Variants in STAC3 observed in about 807,000 individuals in gnomAD.
STAC3 encodes SH3 and cysteine-rich domain-containing protein 3.
A neutral mutation model predicts 48.5 loss-of-function variants in STAC3; 30 were observed. The observed-to-expected ratio is 0.62, with a 90% CI of 0.46 to 0.84. The LOEUF (loss-of-function observed/expected upper bound fraction) is 0.84. Ranked by LOEUF, STAC3 falls within the 40% of genes least tolerant of loss-of-function variation. STAC3 has a pLI of 0.00. For missense variants in STAC3, 419 were observed against 462.6 expected (o/e 0.91, Z 0.86); for synonymous variants, 144 against 158.6 (o/e 0.91, Z 0.69).
chr12:57,248,375 C>CACTTT, intron 4 of STAC3, 177 bp from the exon 5 acceptor site: 1 of 577,156 alleles, frequency 1.7e-6, no homozygotes, highest in Non-Finnish European at 3.1e-6. Context: ...GACATGTCCC[C>CACTTT]TCTTTTTTTT....
rs762753878 is a variant in STAC3, at chr12:57,244,939, C to T, written c.697G>A (p.Glu233Lys). 7.4e-6 allele frequency: 12 copies of T among 1,614,196 alleles called. No homozygotes were observed. Among genetic ancestry groups the T allele is most frequent in the South Asian group, 5.5e-5 (5 of 91,086 alleles). The change falls in exon 8 of 12, where the codon GAG becomes AAG. Residue 233 changes from glutamate (E) to lysine (K), a missense_variant. Physicochemically the swap from Glu to Lys is moderately conservative, Grantham distance 56. Coordinates refer to ENST00000332782, the MANE Select transcript of STAC3 (RefSeq NM_145064.3). ...ACCTTGTCATCAGGTGTCTTCTTCT[C>T]AGCCTTCTTATCCCCTTCAGGGTTT... The part of the protein sequence containing the change: ...DGNPEGDKKA[E>K]KKTPDDKHKQ...
intron 5 of STAC3, among the ~76,000 whole-genome samples, chr12:57,247,403 A>AATTATT (rs747575932): frequency 2.6e-4 from 27 of 102,688 alleles, no homozygotes; most frequent in African/African-American, 8.9e-4. Flanking sequence ...AGGGTTGCCA[A>AATTATT]ATTATTATTA....
Position 57,244,074 on chromosome 12 carries a change from G to A in STAC3, c.996+14C>T. 1.2e-6 allele frequency: 2 copies of A among 1,614,026 alleles called. No individual in the cohort carries two copies. Among genetic ancestry groups the A allele is most frequent in the Non-Finnish European group, 8.5e-7 (1 of 1,180,016 alleles). On this transcript the variant is annotated intron_variant, in intron 11 of 11. Transcript: ENST00000332782. ...AGCATTCAGGCCTGGGATTGGGTTGGGGCAACAGCCTACCTGGTCCTTCTT... is the reference window on the plus strand; with the variant it reads ...AGCATTCAGGCCTGGGATTGGGTTGAGGCAACAGCCTACCTGGTCCTTCTT...
chr12:57,244,214 C>T lies in STAC3; in HGVS notation c.870G>A (p.Gly290=), dbSNP rs142117531. 2.7e-4 allele frequency: 439 copies of T among 1,614,056 alleles called. No homozygotes were observed. Among genetic ancestry groups the T allele is most frequent in the Non-Finnish European group, 3.6e-4 (423 of 1,180,048 alleles). ...SNEEWWRGKI[G]EKVGFFPPNF... is the part of the protein sequence containing the mutation. ...TTGGAGGGAAAAATCCGACCTTCTC[C>T]CCGATTTTCCCCTAGGGAAGATAGT... The change falls in exon 11 of 12, where the codon GGG becomes GGA. Residue 290 remains glycine (G), a synonymous_variant. Coordinates refer to ENST00000332782, the MANE Select transcript of STAC3 (RefSeq NM_145064.3).
At chr12:57,245,320 G>C in intron 6 of STAC3, 109 bp from the exon 7 acceptor site, 1 of 976,388 alleles carries the variant, frequency 1.0e-6, no homozygotes, top group Non-Finnish European at 1.5e-6. Context: ...AGATCTCAGA[G>C]TTGGAAGAGG....
Position 57,244,542 on chromosome 12 carries a change from A to C in STAC3, c.801T>G (p.Asp267Glu). 6.2e-7 allele frequency: 1 copy of C among 1,614,210 alleles called. No individual in the cohort carries two copies. Among genetic ancestry groups the C allele is most frequent in the Non-Finnish European group, 8.5e-7 (1 of 1,180,026 alleles). The part of the protein sequence containing the change: ...RFKALEKDDL[D>E]FPPGEKITVI... ...CCTGCCCCAAGGCCTCTCACGGGAA[A>C]TCCAGATCGTCCTTCTCCAGGGCTT... is the stretch of plus-strand genomic sequence containing the variant. The change falls in exon 9 of 12, where the codon GAT becomes GAG. Residue 267 changes from aspartate (D) to glutamate (E), a missense_variant. Coordinates refer to ENST00000332782, the MANE Select transcript of STAC3 (RefSeq NM_145064.3).
intron 6 of STAC3, 32 bp downstream of exon 6, chr12:57,246,772 G>A (rs1383377136): frequency 6.4e-7 from 1 of 1,570,410 alleles, no homozygotes; most frequent in Admixed American, 1.7e-5. Context: ...GGGATCTCTG[G>A]GAGGGACCTC....
chr12:57,245,150 T>C lies in STAC3; in HGVS notation c.665A>G (p.Gln222Arg). Residue 222 changes from glutamine to arginine, a missense_variant, in exon 7 of 12, where the codon CAG becomes CGG. Coordinates refer to ENST00000332782, the MANE Select transcript of STAC3 (RefSeq NM_145064.3). ...TGGAGGTGGGTAACACTCACCATCC[T>C]GGGGTTTGCCTTCCTCTGGTCTGGC... ...ESARPEEGKP[Q>R]DGNPEGDKKA... is the part of the protein sequence containing the mutation. 1 of 1,614,126 alleles carries C rather than the reference T, an allele frequency of 6.2e-7. No individual in the cohort carries two copies. The highest frequency in any genetic ancestry group is 2.2e-5 in the East Asian group (1 of 44,872).
Position 57,244,617 on chromosome 12 carries a change from C to T in STAC3, c.726G>A (p.Lys242=). 6.2e-7 allele frequency: 1 copy of T among 1,614,214 alleles called. No individual in the cohort carries two copies. The highest frequency in any genetic ancestry group is 1.1e-5 in the South Asian group (1 of 91,086). Residue 242 remains lysine (K), a synonymous_variant, in exon 9 of 12, where the codon AAG becomes AAA. Transcript: ENST00000332782. ...AEKKTPDDKH[K]QPGFQQSHYF... ...AATGAGACTGCTGGAAGCCAGGCTG[C>T]TTGTGCTGGGGGTGCAAGGGAATGA... is the stretch of plus-strand genomic sequence containing the variant.
rs1482327504 is a variant in STAC3, at chr12:57,251,042, C to T, written c.-51G>A. 2.4e-6 allele frequency: 1 copy of T among 413,604 alleles called. No individual in the cohort carries two copies. The highest frequency in any genetic ancestry group is 2.6e-5 in the Admixed American group (1 of 38,434). The allele number at this position is 413,604 out of a possible 1,614,324, so 25.6% of individuals were successfully genotyped here. A position where few individuals can be genotyped will look rare whatever the true frequency, so the allele number is the denominator to read the frequency against. On this transcript the variant is annotated 5_prime_UTR_variant, in exon 1 of 12. Transcript: ENST00000332782. ...ACAGGCTGTAGAGGGAGCTGGGAGC[C>T]TCGAGGCCTTGATGGTGGTGCTGGG...
chr12:57,246,391 C>CTTTTTTTTT (rs35690784), intron 6 of STAC3, among the ~76,000 whole-genome samples: 1 of 136,858 alleles, frequency 7.3e-6, no homozygotes, highest in Non-Finnish European at 1.6e-5. Context: ...TCCTTCCTTC[C>CTTTTTTTTT]TTTTTTTTTT....
In STAC3 at chr12:57,243,842, C is replaced by T; in HGVS notation, c.1065G>A (p.Leu355=). 1 of 1,614,100 alleles carries T rather than the reference C, an allele frequency of 6.2e-7. No individual in the cohort carries two copies. Among genetic ancestry groups the T allele is most frequent in the Non-Finnish European group, 8.5e-7 (1 of 1,179,998 alleles). The change falls in exon 12 of 12, where the codon CTG becomes CTA. Residue 355 remains leucine, a synonymous_variant. Transcript: ENST00000332782. ...TTTCCTCTAGAAAGTCGGTGGGAAA[C>T]AGCCCCACCTTGCGGCCGGTGTAGA... The part of the protein sequence containing the change: ...VKVYTGRKVG[L]FPTDFLEEI
At chr12:57,248,970 C>T in intron 3 of STAC3, 71 bp downstream of exon 3, 1 of 1,561,094 alleles carries the variant, frequency 6.4e-7, no homozygotes, top group South Asian at 1.2e-5. Flanking sequence ...TACAAATACT[C>T]CTCTCCTATG....
chr12:57,246,176 A>G (rs2136826775), intron 6 of STAC3, among the ~76,000 whole-genome samples: 2 of 152,052 alleles, frequency 1.3e-5, no homozygotes, highest in South Asian at 4.2e-4. Flanking sequence ...ATATAACCCA[A>G]GAGTATGTTA....
Position 57,243,640 on chromosome 12 carries a change from G to C in STAC3, c.*172C>G. ...GGGCAGCAGGTATCCGAGGCCCCAG[G>C]CTGGGGAAGGGGGCGAGAACCAGTC... On this transcript the variant is annotated 3_prime_UTR_variant, in exon 12 of 12. Transcript: ENST00000332782. The C allele has an allele frequency of 2.8e-6, 2 of 726,382 alleles. No individual in the cohort carries two copies. The highest frequency in any genetic ancestry group is 4.9e-6 in the Non-Finnish European group (2 of 405,064). The allele number at this position is 726,382 out of a possible 1,614,324, so 45.0% of individuals were successfully genotyped here.
chr12:57,250,409 A>AG (rs1225060352), intron 1 of STAC3, among the ~76,000 whole-genome samples: 1 of 150,332 alleles, frequency 6.7e-6, no homozygotes, highest in Non-Finnish European at 1.5e-5. Context: ...AAAAAAAAAA[A>AG]AAAAAAAGCC....
At chr12:57,247,432 T>TATTA (rs1565782149) in intron 5 of STAC3, among the ~76,000 whole-genome samples, 6 of 83,884 alleles carry the variant, frequency 7.2e-5, no homozygotes, top group African/African-American at 2.8e-4. Context: ...ATTATTATTT[T>TATTA]TTTTTTTTTT....
At position 57,244,114 on chromosome 12, in the gene STAC3, C is replaced by G; in HGVS notation, c.970G>C (p.Gly324Arg). 1.2e-6 allele frequency: 2 copies of G among 1,614,154 alleles called. No homozygotes were observed. Among genetic ancestry groups the G allele is most frequent in the Non-Finnish European group, 1.7e-6 (2 of 1,180,030 alleles). Residue 324 changes from glycine to arginine, a missense_variant, in exon 11 of 12, where the codon GGG (glycine) becomes CGG (arginine). Physicochemically the swap from Gly to Arg is moderately radical, Grantham distance 125. Coordinates refer to ENST00000332782, the MANE Select transcript of STAC3 (RefSeq NM_145064.3). ...TGGTCCTTCTTGAGAGTGATCTGCC[C>G]TATCTCGCGGTTCCCCACGAAGGAT... ...TRSFVGNREI[G>R]QITLKKDQIV...
At chr12:57,244,425 C>T (rs895993420) in intron 9 of STAC3, 59 bp from the exon 10 acceptor site, 2 of 1,612,336 alleles carry the variant, frequency 1.2e-6, no homozygotes, top group Non-Finnish European at 1.7e-6. Flanking sequence ...TGCCCCGGGT[C>T]CAGCATCAAT....
Sources: gnomAD v4.1 joint callset for allele counts (sites outside exome capture counted in the v4.1 genomes callset) on GRCh38, gnomAD v4.1.1 for gene constraint, MANE v1.5 for transcripts, NCBI Gene and HGNC (gene_info 2026-07-23, HGNC 2026-07-21) for gene names.